The following GLIS3 variants were observed in gnomAD, a reference collection of about 807,000 sequenced individuals.
GLIS3 encodes the protein GLIS family zinc finger 3.
Under a neutral mutation model 78.6 loss-of-function variants are expected in GLIS3, and 53 were observed. The observed-to-expected ratio is 0.67, with a 90% confidence interval of 0.54 to 0.85. The LOEUF (loss-of-function observed/expected upper bound fraction) is 0.85. Among genes scored for constraint, GLIS3 ranks in the 40% least tolerant of loss-of-function variants. The pLI, the probability that GLIS3 is intolerant of heterozygous loss-of-function variation, is 0.00. For missense variants in GLIS3, 1,703 were observed against 1,231.1 expected (o/e 1.38, Z -5.74); for synonymous variants, 684 against 509.9 (o/e 1.34, Z -4.60).
chr9:4,030,909 C>T (rs781436662), intron 4 of GLIS3, among the ~76,000 whole-genome samples: 4 of 152,128 alleles, frequency 2.6e-5, no homozygotes, highest in Admixed American at 1.3e-4. Flanking sequence ...AAAAGATGCT[C>T]GGCATCATTA....
chr9:4,210,353 A>C (rs1820271964), intron 2 of GLIS3, among the ~76,000 whole-genome samples: 1 of 152,194 alleles, frequency 6.6e-6, no homozygotes, highest in Admixed American at 6.5e-5. Flanking sequence ...TTCAGCATCC[A>C]ATTGCCTTTT....
intron 4 of GLIS3, among the ~76,000 whole-genome samples, chr9:4,112,510 C>A (rs892019731): frequency 6.6e-6 from 1 of 152,114 alleles, no homozygotes; most frequent in African/African-American, 2.4e-5. Context: ...TTAGAATCAC[C>A]TTGGAAGCTG....
chr9:3,988,747 A>T (rs988959812), intron 4 of GLIS3, among the ~76,000 whole-genome samples: 7 of 152,168 alleles, frequency 4.6e-5, no homozygotes, highest in African/African-American at 1.7e-4. Flanking sequence ...CTCATACGTT[A>T]TACGAAGATG....
chr9:4,190,058 G>A (rs1204400483), intron 2 of GLIS3, among the ~76,000 whole-genome samples: 1 of 152,108 alleles, frequency 6.6e-6, no homozygotes, highest in Non-Finnish European at 1.5e-5. Context: ...AAGACCAAAA[G>A]TAGATAAAAC....
At chr9:4,331,240 G>C (rs543547123) in intron 2 of GLIS3, among the ~76,000 whole-genome samples, 1 of 152,268 alleles carries the variant, frequency 6.6e-6, no homozygotes, top group South Asian at 2.1e-4. Context: ...GCTTGTGGCA[G>C]CATAATTCTC....
intron 7 of GLIS3, among the ~76,000 whole-genome samples, chr9:3,885,618 G>A (rs927919473): frequency 6.6e-6 from 1 of 152,198 alleles, no homozygotes; most frequent in Non-Finnish European, 1.5e-5. Context: ...CGGAGGATAA[G>A]CTAATCAATG....
chr9:4,489,154 A>C, the GLIS3 span, among the ~76,000 whole-genome samples: 1 of 152,150 alleles, frequency 6.6e-6, no homozygotes, highest in Admixed American at 6.5e-5. Context: ...GGCAAGAGCC[A>C]CCGCACCCGG....
chr9:4,426,746 T>C, the GLIS3 span, among the ~76,000 whole-genome samples: 1 of 152,198 alleles, frequency 6.6e-6, no homozygotes, highest in African/African-American at 2.4e-5. Flanking sequence ...TGTGTGACCT[T>C]GTGGATGTTT....
At chr9:4,253,939 A>T (rs1824660163) in intron 2 of GLIS3, among the ~76,000 whole-genome samples, 1 of 152,040 alleles carries the variant, frequency 6.6e-6, no homozygotes, top group Admixed American at 6.6e-5. Flanking sequence ...GGCTGCACTC[A>T]CTGTCTAACC....
At chr9:3,911,257 G>A (rs1327652675) in intron 6 of GLIS3, among the ~76,000 whole-genome samples, 2 of 152,184 alleles carry the variant, frequency 1.3e-5, no homozygotes, top group African/African-American at 4.8e-5. Context: ...AGTTTACAGT[G>A]TGGCATGAAT....
At chr9:4,420,336 T>C in the GLIS3 span, among the ~76,000 whole-genome samples, 1 of 152,188 alleles carries the variant, frequency 6.6e-6, no homozygotes, top group Non-Finnish European at 1.5e-5. Flanking sequence ...GAAGCCATAT[T>C]CTATTACCTT....
At chr9:4,391,784 T>C in the GLIS3 span, among the ~76,000 whole-genome samples, 1 of 152,154 alleles carries the variant, frequency 6.6e-6, no homozygotes, top group African/African-American at 2.4e-5. Flanking sequence ...TTCTTACAAA[T>C]GTACATATTT....
intron 2 of GLIS3, among the ~76,000 whole-genome samples, chr9:4,321,463 A>AAAAAAAAAAAAG (rs1817527771): frequency 7.3e-6 from 1 of 136,060 alleles, no homozygotes; most frequent in Non-Finnish European, 1.6e-5. Flanking sequence ...AAAAAAAAAA[A>AAAAAAAAAAAAG]TCAGGTGCCT....
intron 2 of GLIS3, among the ~76,000 whole-genome samples, chr9:4,265,905 T>TTTGG (rs1825958638): frequency 1.7e-5 from 1 of 58,338 alleles, no homozygotes; most frequent in Non-Finnish European, 3.1e-5. Context: ...TGGTTTTTTT[T>TTTGG]TTGTTTGTCT....
intron 4 of GLIS3, among the ~76,000 whole-genome samples, chr9:4,001,925 G>C (rs1008493222): frequency 3.3e-5 from 5 of 152,264 alleles, no homozygotes; most frequent in Middle Eastern, 3.4e-3. Flanking sequence ...TGGCCTGCCT[G>C]GGTGGTTCTC....
the GLIS3 span, among the ~76,000 whole-genome samples, chr9:4,362,331 T>C: frequency 1.3e-5 from 2 of 152,250 alleles, no homozygotes; most frequent in African/African-American, 4.8e-5. Flanking sequence ...CTCATTCTTT[T>C]TGCTGACTGG....
intron 8 of GLIS3, among the ~76,000 whole-genome samples, chr9:3,870,148 C>T (rs1820876118): frequency 6.6e-6 from 1 of 152,126 alleles, no homozygotes. Context: ...CTTTAGCATC[C>T]AGGCAAGCAA....
intron 6 of GLIS3, among the ~76,000 whole-genome samples, chr9:3,911,203 G>A (rs371337617): frequency 3.3e-5 from 5 of 152,008 alleles, no homozygotes; most frequent in East Asian, 3.9e-4. Flanking sequence ...AGGCCCAGGA[G>A]ATAAAGTAGT....
intron 2 of GLIS3, among the ~76,000 whole-genome samples, chr9:4,267,399 T>C (rs573539770): frequency 6.6e-6 from 1 of 152,294 alleles, no homozygotes; most frequent in South Asian, 2.1e-4. Context: ...ATGAAATGGC[T>C]TCTAAGCAGT....
Sources: gnomAD v4.1 joint callset for allele counts (sites outside exome capture counted in the v4.1 genomes callset) on GRCh38, gnomAD v4.1.1 for gene constraint, MANE v1.5 for transcripts, NCBI Gene and HGNC (gene_info 2026-07-23, HGNC 2026-07-21) for gene names.